Variants in CDK17 observed in about 807,000 individuals in gnomAD.
The protein encoded by CDK17 is cyclin dependent kinase 17.
A neutral mutation model predicts 77.6 loss-of-function variants in CDK17; 24 were observed. The observed-to-expected ratio is 0.31, with a 90% CI of 0.22 to 0.44. The LOEUF is 0.44. Among genes scored for constraint, CDK17 ranks in the 20% least tolerant of loss-of-function variants. The pLI is 1.00. For missense variants in CDK17, 429 were observed against 622.5 expected (o/e 0.69, Z 3.31); for synonymous variants, 203 against 210.4 (o/e 0.96, Z 0.30).
intron 1 of CDK17, among the ~76,000 whole-genome samples, chr12:96,372,283 T>C (rs1953707776): frequency 6.6e-6 from 1 of 152,052 alleles, no homozygotes; most frequent in South Asian, 2.1e-4. Context: ...AGAAGAGCTG[T>C]GAAGGAAAAA....
At chr12:96,314,410 T>C (rs1477753750) in intron 3 of CDK17, among the ~76,000 whole-genome samples, 1 of 152,188 alleles carries the variant, frequency 6.6e-6, no homozygotes, top group Non-Finnish European at 1.5e-5. Context: ...TTTGCCTTGT[T>C]GTTCAGGCTC....
chr12:96,350,532 T>G (rs756081193), intron 1 of CDK17, among the ~76,000 whole-genome samples: 1 of 152,192 alleles, frequency 6.6e-6, no homozygotes, highest in East Asian at 1.9e-4. Context: ...AGAATAGATA[T>G]ATATAGACCA....
At chr12:96,288,765 T>C (rs1208629738) in intron 11 of CDK17, among the ~76,000 whole-genome samples, 1 of 152,176 alleles carries the variant, frequency 6.6e-6, no homozygotes, top group Admixed American at 6.6e-5. Context: ...AGCAGAAAGA[T>C]TTTGGTGAAT....
chr12:96,282,030 CAAT>C (rs1952184996), intron 15 of CDK17: 1 of 152,390 alleles, frequency 6.6e-6, no homozygotes, highest in South Asian at 2.1e-4. Context: ...GTGACTTTGA[CAAT>C]ATGCTCACTG....
chr12:96,378,443 T>C (rs1465353370), intron 1 of CDK17, among the ~76,000 whole-genome samples: 1 of 152,242 alleles, frequency 6.6e-6, no homozygotes, highest in East Asian at 1.9e-4. Context: ...ATACTCCAGG[T>C]TGATCTTACA....
At chr12:96,390,708 C>T (rs1282807968) in intron 1 of CDK17, among the ~76,000 whole-genome samples, 1 of 43,534 alleles carries the variant, frequency 2.3e-5, no homozygotes, top group Admixed American at 2.4e-4. Flanking sequence ...GACTCCATCT[C>T]AAAAAAAAAA....
chr12:96,361,464 C>T (rs1204234652), intron 1 of CDK17, among the ~76,000 whole-genome samples: 1 of 152,152 alleles, frequency 6.6e-6, no homozygotes, highest in Admixed American at 6.5e-5. Context: ...CCTCGCAAAG[C>T]AGTTTCAATG....
chr12:96,387,436 G>A (rs1953993788), intron 1 of CDK17, among the ~76,000 whole-genome samples: 1 of 152,160 alleles, frequency 6.6e-6, no homozygotes, highest in South Asian at 2.1e-4. Context: ...AGATTACACA[G>A]TTACAAGCAT....
intron 1 of CDK17, among the ~76,000 whole-genome samples, chr12:96,351,829 T>C (rs150550789): frequency 1.3e-5 from 2 of 152,216 alleles, no homozygotes; most frequent in Non-Finnish European, 2.9e-5. Context: ...ATACCAATTA[T>C]GCTGAACACA....
intron 13 of CDK17, among the ~76,000 whole-genome samples, chr12:96,284,962 G>A (rs539575948): frequency 3.9e-5 from 6 of 152,096 alleles, no homozygotes; most frequent in Non-Finnish European, 5.9e-5. Flanking sequence ...ATAAGGTAAC[G>A]TTTTTTTCCA....
At chr12:96,389,822 T>C (rs1303755285) in intron 1 of CDK17, among the ~76,000 whole-genome samples, 2 of 114,432 alleles carry the variant, frequency 1.7e-5, no homozygotes, top group Non-Finnish European at 3.4e-5. Context: ...GTTTTTTTGT[T>C]TGTTTGTTTT....
At chr12:96,286,875 CCT>C (rs1952253339) in intron 11 of CDK17, 114 bp from the exon 12 acceptor site, 8 of 712,358 alleles carry the variant, frequency 1.1e-5, no homozygotes, top group Non-Finnish European at 1.9e-5. Context: ...TGTCGGAAAA[CCT>C]CTTGAAGGGA....
chr12:96,286,602 C>T, intron 12 of CDK17, 62 bp downstream of exon 12: 3 of 1,096,472 alleles, frequency 2.7e-6, no homozygotes. Context: ...TTTAGAGATA[C>T]AGTCTTATCC....
intron 1 of CDK17, among the ~76,000 whole-genome samples, chr12:96,349,940 T>C (rs980558928): frequency 5.3e-5 from 8 of 152,120 alleles, no homozygotes; most frequent in African/African-American, 1.9e-4. Flanking sequence ...GAAAGAAAAC[T>C]GCCATGATGA....
At chr12:96,335,513 G>A (rs531068451) in intron 1 of CDK17, among the ~76,000 whole-genome samples, 1 of 152,300 alleles carries the variant, frequency 6.6e-6, no homozygotes, top group South Asian at 2.1e-4. Flanking sequence ...CTCTAATTGT[G>A]TCTTCCTAAT....
chr12:96,292,415 GAAC>G (rs1952337405), intron 10 of CDK17, among the ~76,000 whole-genome samples: 1 of 152,120 alleles, frequency 6.6e-6, no homozygotes, highest in Non-Finnish European at 1.5e-5. Context: ...AGACCAGCCT[GAAC>G]AACATGGTGA....
intron 10 of CDK17, among the ~76,000 whole-genome samples, chr12:96,290,459 T>C (rs1952309426): frequency 6.6e-6 from 1 of 152,218 alleles, no homozygotes; most frequent in Non-Finnish European, 1.5e-5. Context: ...TCAATTTTAC[T>C]GAATAAGGTT....
At chr12:96,367,777 G>A (rs892490187) in intron 1 of CDK17, among the ~76,000 whole-genome samples, 27 of 151,454 alleles carry the variant, frequency 1.8e-4, no homozygotes, top group Non-Finnish European at 1.8e-4. Context: ...AGCACTTTGG[G>A]AGGCCAAAGC....
intron 1 of CDK17, among the ~76,000 whole-genome samples, chr12:96,350,346 T>TAAA (rs773469994): frequency 7.7e-6 from 1 of 129,854 alleles, no homozygotes; most frequent in Admixed American, 7.9e-5. Flanking sequence ...GTCTCAAATT[T>TAAA]AAAAAAAAAA....
Sources: gnomAD v4.1 joint callset for allele counts (sites outside exome capture counted in the v4.1 genomes callset) on GRCh38, gnomAD v4.1.1 for gene constraint, MANE v1.5 for transcripts, NCBI Gene and HGNC (gene_info 2026-07-23, HGNC 2026-07-21) for gene names.